SLAIN2: variants seen among roughly 807,000 people sequenced by gnomAD.
SLAIN2 encodes the protein SLAIN motif-containing protein 2.
SLAIN2 carries 31 observed loss-of-function variants against 56.6 expected under a neutral mutation model. That is an observed-to-expected ratio of 0.55 (90% confidence interval 0.41 to 0.74). The LOEUF is 0.74. Ranked by LOEUF, SLAIN2 falls within the 30% of genes least tolerant of loss-of-function variation. The pLI, the probability that SLAIN2 is intolerant of heterozygous loss-of-function variation, is 0.00. For synonymous variants in SLAIN2, 317 were observed against 284.9 expected, an observed-to-expected ratio of 1.11 and a Z score of -1.13; for missense variants, 777 against 754.2, an observed-to-expected ratio of 1.03 and a Z score of -0.35.
chr4:48,379,559 A>G, intron 3 of SLAIN2, 131 bp from the exon 4 acceptor site: 1 of 801,336 alleles, frequency 1.2e-6, no homozygotes, highest in African/African-American at 1.8e-5. Flanking sequence ...ATTTCAGGGA[A>G]TTTTTTAAGC....
In SLAIN2 at chr4:48,425,441, AC is replaced by A. The variant is rs1717276166; in HGVS notation, c.*3365del. 1 of 152,148 alleles carries A rather than the reference AC, an allele frequency of 6.6e-6. No individual in the cohort carries two copies. Among genetic ancestry groups the A allele is most frequent in the African/African-American group, 2.4e-5 (1 of 41,444 alleles). The allele number at this position is 152,148 out of a possible 1,614,324, so 9.4% of individuals were successfully genotyped here. ...ACCAAATGCGAATATTTAGGTGATC[AC>A]GTGCATCTTTTCTTGTATGGATGGA... On this transcript the variant is annotated 3_prime_UTR_variant, in exon 8 of 8. Transcript: ENST00000264313.
At chr4:48,390,245 T>C (rs183917598) in intron 6 of SLAIN2, among the ~76,000 whole-genome samples, 67 of 151,772 alleles carry the variant, frequency 4.4e-4, no homozygotes, top group African/African-American at 1.5e-3. Context: ...GCCTGGCTAA[T>C]TTTTTGTATT....
intron 6 of SLAIN2, among the ~76,000 whole-genome samples, chr4:48,395,956 G>T (rs1716369593): frequency 6.6e-6 from 1 of 151,804 alleles, no homozygotes; most frequent in Non-Finnish European, 1.5e-5. Context: ...AAGAGTAGAA[G>T]ATTTTAAGTT....
intron 1 of SLAIN2, among the ~76,000 whole-genome samples, chr4:48,356,104 A>G (rs1240837673): frequency 6.6e-6 from 1 of 152,210 alleles, no homozygotes; most frequent in African/African-American, 2.4e-5. Context: ...ATTAAAAGTC[A>G]TTATAGCAGT....
At chr4:48,370,263 T>C (rs1715629220) in intron 2 of SLAIN2, among the ~76,000 whole-genome samples, 1 of 152,206 alleles carries the variant, frequency 6.6e-6, no homozygotes, top group African/African-American at 2.4e-5. Flanking sequence ...ATAAGCTTTT[T>C]TCTAATACAA....
intron 6 of SLAIN2, 105 bp from the exon 7 acceptor site, chr4:48,420,020 T>A: frequency 8.8e-7 from 1 of 1,137,674 alleles, no homozygotes; most frequent in South Asian, 1.6e-5. Flanking sequence ...TGAAGTTTCC[T>A]GAATACACAT....
At chr4:48,376,546 TTG>T (rs1220744946) in intron 2 of SLAIN2, among the ~76,000 whole-genome samples, 2 of 152,060 alleles carry the variant, frequency 1.3e-5, no homozygotes, top group African/African-American at 4.8e-5. Flanking sequence ...AGTCCTACTG[TTG>T]TACTATTTAT....
intron 2 of SLAIN2, among the ~76,000 whole-genome samples, chr4:48,372,995 G>A (rs1316721459): frequency 2.0e-5 from 3 of 151,962 alleles, no homozygotes; most frequent in Non-Finnish European, 4.4e-5. Flanking sequence ...TCGCTGCAGC[G>A]CACTATCACT....
At chr4:48,418,453 T>G (rs1717058012) in intron 6 of SLAIN2, among the ~76,000 whole-genome samples, 1 of 152,196 alleles carries the variant, frequency 6.6e-6, no homozygotes. Context: ...TGGATTACAC[T>G]GATTGATTTT....
chr4:48,387,411 T>C (rs1394170506), intron 6 of SLAIN2: 1 of 152,096 alleles, frequency 6.6e-6, no homozygotes, highest in African/African-American at 2.4e-5. Flanking sequence ...AATTAAGGAA[T>C]ATATATAGGG....
chr4:48,343,846 T>C (rs1353498005), intron 1 of SLAIN2, among the ~76,000 whole-genome samples: 1 of 152,228 alleles, frequency 6.6e-6, no homozygotes, highest in Non-Finnish European at 1.5e-5. Context: ...CAGTTTTTGA[T>C]ATAAATGTGA....
At chr4:48,419,026 G>A (rs2109790358) in intron 6 of SLAIN2, among the ~76,000 whole-genome samples, 1 of 152,224 alleles carries the variant, frequency 6.6e-6, no homozygotes, top group South Asian at 2.1e-4. Flanking sequence ...ATGTGTTGAT[G>A]GACATTTGAG....
rs1714710479 is a variant in SLAIN2, at chr4:48,341,869, C to T, written c.130C>T (p.Leu44Phe). 27 of 1,519,592 alleles carry T rather than the reference C, an allele frequency of 1.8e-5. No homozygotes were observed. Among genetic ancestry groups the T allele is most frequent in the Non-Finnish European group, 2.3e-5 (26 of 1,134,320 alleles). 94.1% of individuals were successfully genotyped at this position (1,519,592 alleles called of 1,614,324 possible). ...GGGGGCCGTGCAGGGCGCCGGCTCC[C>T]TTGGGCCCGGCAGCCCGGTTCGGGC... ...RSGAVQGAGS[L>F]GPGSPVRAGA... The change falls in exon 1 of 8, where the codon CTT becomes TTT. Residue 44 changes from leucine to phenylalanine, a missense_variant. Transcript: ENST00000264313.
intron 5 of SLAIN2, among the ~76,000 whole-genome samples, 190 bp downstream of exon 5, chr4:48,383,117 G>A (rs1188558974): frequency 6.9e-6 from 1 of 144,498 alleles, no homozygotes; most frequent in African/African-American, 2.6e-5. Context: ...ACAGTGAGCT[G>A]TGATCACACC....
In SLAIN2 at chr4:48,382,600, C is replaced by T. The variant is rs763826035; in HGVS notation, c.895C>T (p.Arg299Trp). 3 of 1,594,410 alleles carry T rather than the reference C, an allele frequency of 1.9e-6. No individual in the cohort carries two copies. Among genetic ancestry groups the T allele is most frequent in the Non-Finnish European group, 8.6e-7 (1 of 1,164,278 alleles). Residue 299 changes from arginine (R) to tryptophan (W), a missense_variant, in exon 5 of 8, where the codon CGG becomes TGG. Coordinates refer to ENST00000264313, the MANE Select transcript of SLAIN2 (RefSeq NM_020846.2). ...GCAAGAATATGCAGCCACCACGTCTCGGCGCAGTTCTGGTTCATCTTGCAA... is the reference window on the plus strand; with the variant it reads ...GCAAGAATATGCAGCCACCACGTCTTGGCGCAGTTCTGGTTCATCTTGCAA... ...LRQEYAATTS[R>W]RSSGSSCNST...
At chr4:48,346,525 C>T (rs1464007908) in intron 1 of SLAIN2, among the ~76,000 whole-genome samples, 1 of 152,208 alleles carries the variant, frequency 6.6e-6, no homozygotes, top group Admixed American at 6.5e-5. Context: ...ACTCGTGGCT[C>T]TTCACTGCTG....
rs561075450 is a variant in SLAIN2, at chr4:48,368,542, G to GT, written c.390-1304dup. ...TTATTGTTATTATTCATCTATAGAG[G>GT]TTTACCTTGCTAAACATTTGCTGAC... On this transcript the variant is annotated intron_variant, in intron 1 of 7. Coordinates refer to ENST00000264313, the MANE Select transcript of SLAIN2 (RefSeq NM_020846.2). Among the ~76,000 whole-genome samples the GT allele has an allele frequency of 3.0e-3, 458 of 152,178 alleles. 1 individual carries two copies. The highest frequency in any genetic ancestry group is 4.1e-3 in the Non-Finnish European group (281 of 68,016).
intron 6 of SLAIN2, among the ~76,000 whole-genome samples, chr4:48,386,912 AAAT>A (rs1286443623): frequency 6.6e-6 from 1 of 152,210 alleles, no homozygotes; most frequent in African/African-American, 2.4e-5. Flanking sequence ...TAAGAAGGTT[AAAT>A]AATAAAACTT....
intron 6 of SLAIN2, among the ~76,000 whole-genome samples, chr4:48,405,772 A>T (rs1157330725): frequency 6.6e-6 from 1 of 151,704 alleles, no homozygotes; most frequent in Non-Finnish European, 1.5e-5. Context: ...TCCTTTTTTT[A>T]TTTGTCAAAA....
Sources: allele counts gnomAD v4.1 joint callset (sites outside exome capture counted in the v4.1 genomes callset), GRCh38; gene constraint gnomAD v4.1.1; transcripts MANE v1.5; gene names NCBI Gene and HGNC (gene_info 2026-07-23, HGNC 2026-07-21).